The following GLP2R variants were observed in gnomAD, a reference collection of about 807,000 sequenced individuals.
The protein encoded by GLP2R is glucagon like peptide 2 receptor, also known as glucagon-like peptide 2 receptor.
Under a neutral mutation model 68.2 loss-of-function variants are expected in GLP2R, and 59 were observed. The ratio of observed to expected loss-of-function variants is 0.87; its 90% CI spans 0.70 to 1.07. GLP2R has a LOEUF of 1.07. GLP2R is among the 50% of genes least tolerant of loss of function. The probability of loss-of-function intolerance (pLI) is 0.00; values close to 1 mark genes in which losing one functional copy is unlikely to be tolerated. For synonymous variants in GLP2R, 270 were observed against 265.4 expected, an observed-to-expected ratio of 1.02 and a Z score of -0.17; for missense variants, 548 against 677.4, an observed-to-expected ratio of 0.81 and a Z score of 2.12.
chr17:9,879,852 GA>G (rs1163588959), intron 10 of GLP2R, among the ~76,000 whole-genome samples: 2 of 152,136 alleles, frequency 1.3e-5, no homozygotes, highest in Non-Finnish European at 2.9e-5. Flanking sequence ...CTGCAGGTCG[GA>G]ACTGCAGGTC....
intron 4 of GLP2R, among the ~76,000 whole-genome samples, chr17:9,844,499 A>G (rs942057289): frequency 6.6e-6 from 1 of 151,748 alleles, no homozygotes; most frequent in Non-Finnish European, 1.5e-5. Context: ...CCGAGGAGCA[A>G]AACGGTAGGA....
At chr17:9,880,880 A>T (rs758975754) in intron 11 of GLP2R, among the ~76,000 whole-genome samples, 1 of 152,198 alleles carries the variant, frequency 6.6e-6, no homozygotes, top group Non-Finnish European at 1.5e-5. Flanking sequence ...TTCAGGTGAC[A>T]TGTACACAGA....
chr17:9,839,795 G>A (rs2066768185), intron 3 of GLP2R, among the ~76,000 whole-genome samples: 1 of 152,070 alleles, frequency 6.6e-6, no homozygotes, highest in African/African-American at 2.4e-5. Flanking sequence ...TCTGCACCTG[G>A]TCCAGCTCTT....
rs2066622307 is a variant in GLP2R, at chr17:9,825,962, C to A, written c.-102C>A. The A allele has an allele frequency of 4.1e-6, 4 of 967,318 alleles. No homozygotes were observed. The highest frequency in any genetic ancestry group is 6.3e-6 in the Non-Finnish European group (4 of 639,538). 59.9% of individuals were successfully genotyped at this position (967,318 alleles called of 1,614,324 possible). A position where few individuals can be genotyped will look rare whatever the true frequency, so the allele number is the denominator to read the frequency against. On this transcript the variant is annotated 5_prime_UTR_variant, in exon 1 of 13. Transcript: ENST00000262441. The stretch of plus-strand genomic sequence containing the variant: ...GCAGCGTGGAGAGGATTTGTGCAAA[C>A]ATTTCCTCTGTGGACCAAGAGGAAT...
chr17:9,835,692 G>A (rs538398604), intron 2 of GLP2R, among the ~76,000 whole-genome samples: 1 of 152,156 alleles, frequency 6.6e-6, no homozygotes, highest in East Asian at 1.9e-4. Flanking sequence ...TGGAACATAA[G>A]GCACTGGCTC....
chr17:9,881,731 C>T (rs147270385), intron 11 of GLP2R, among the ~76,000 whole-genome samples: 1 of 152,246 alleles, frequency 6.6e-6, no homozygotes, highest in African/African-American at 2.4e-5. Flanking sequence ...GCTTCTGCTG[C>T]ATTCTGTCAT....
intron 9 of GLP2R, chr17:9,866,993 G>GA (rs1299139529): frequency 2.6e-5 from 4 of 152,230 alleles, no homozygotes; most frequent in Non-Finnish European, 5.9e-5. Context: ...ATTGTGTTAA[G>GA]AAAAAAATAA....
At chr17:9,832,063 T>C (rs1454397055) in intron 1 of GLP2R, among the ~76,000 whole-genome samples, 1 of 152,216 alleles carries the variant, frequency 6.6e-6, no homozygotes, top group African/African-American at 2.4e-5. Context: ...CTCATCTCTG[T>C]ATCCTCTTTA....
At chr17:9,832,513 G>C (rs2066689897) in intron 1 of GLP2R, among the ~76,000 whole-genome samples, 1 of 152,168 alleles carries the variant, frequency 6.6e-6, no homozygotes, top group Non-Finnish European at 1.5e-5. Flanking sequence ...AGTGAGCTGA[G>C]ATAACGCCAC....
intron 8 of GLP2R, 148 bp downstream of exon 8, chr17:9,861,347 TAATC>T (rs2066985945): frequency 3.2e-6 from 2 of 623,884 alleles, no homozygotes; most frequent in Admixed American, 2.7e-5. Flanking sequence ...GGAGATAAAA[TAATC>T]AGAGATCTTA....
intron 10 of GLP2R, 144 bp from the exon 11 acceptor site, chr17:9,880,234 G>T (rs187747496): frequency 1.6e-6 from 1 of 621,552 alleles, no homozygotes; most frequent in South Asian, 2.4e-5. Flanking sequence ...GCCCTGAAGC[G>T]TTAAATGTTG....
At chr17:9,843,647 T>C (rs1463387175) in intron 4 of GLP2R, among the ~76,000 whole-genome samples, 1 of 152,206 alleles carries the variant, frequency 6.6e-6, no homozygotes, top group Non-Finnish European at 1.5e-5. Flanking sequence ...CACCATACTT[T>C]CTCGTTGGAC....
intron 1 of GLP2R, among the ~76,000 whole-genome samples, chr17:9,830,261 G>A (rs536326815): frequency 9.2e-5 from 14 of 152,206 alleles, no homozygotes; most frequent in Non-Finnish European, 1.9e-4. Context: ...TGATTTTATT[G>A]TCTCTTCCTT....
intron 4 of GLP2R, among the ~76,000 whole-genome samples, chr17:9,844,560 C>T (rs1361812293): frequency 7.3e-5 from 11 of 150,748 alleles, no homozygotes; most frequent in African/African-American, 1.7e-4. Context: ...ACAACAAGAT[C>T]GCAGGCTTCT....
At chr17:9,858,401 G>A (rs1476021861) in intron 6 of GLP2R, among the ~76,000 whole-genome samples, 2 of 152,160 alleles carry the variant, frequency 1.3e-5, no homozygotes, top group African/African-American at 4.8e-5. Context: ...CGCTAATACT[G>A]TGTTTTGTTG....
intron 1 of GLP2R, among the ~76,000 whole-genome samples, chr17:9,830,170 T>A (rs2066667764): frequency 6.6e-6 from 1 of 152,228 alleles, no homozygotes; most frequent in African/African-American, 2.4e-5. Context: ...TACTTTTTAG[T>A]TTTAGTTTGT....
intron 4 of GLP2R, among the ~76,000 whole-genome samples, chr17:9,845,352 T>C (rs900868160): frequency 6.6e-6 from 1 of 152,242 alleles, no homozygotes; most frequent in Non-Finnish European, 1.5e-5. Context: ...AAAGATATTC[T>C]ATACAATAAA....
At chr17:9,876,032 C>T (rs1430087489) in intron 10 of GLP2R, among the ~76,000 whole-genome samples, 1 of 152,146 alleles carries the variant, frequency 6.6e-6, no homozygotes, top group Non-Finnish European at 1.5e-5. Flanking sequence ...CATGAGACAC[C>T]ATGCCCGGTT....
At chr17:9,882,971 AGT>A (rs1412513060) in intron 11 of GLP2R, among the ~76,000 whole-genome samples, 2 of 142,208 alleles carry the variant, frequency 1.4e-5, no homozygotes, top group Non-Finnish European at 3.0e-5. Context: ...GAAACAAAAA[AGT>A]GTGACCCATA....
Sources: gnomAD v4.1 joint callset for allele counts (sites outside exome capture counted in the v4.1 genomes callset) on GRCh38, gnomAD v4.1.1 for gene constraint, MANE v1.5 for transcripts, NCBI Gene and HGNC (gene_info 2026-07-23, HGNC 2026-07-21) for gene names.